Variants in MAGI2 observed in about 807,000 individuals in gnomAD.
MAGI2 encodes the protein membrane-associated guanylate kinase, WW and PDZ domain-containing protein 2.
MAGI2 carries 35 observed loss-of-function variants against 133.3 expected under a neutral mutation model. That is an observed-to-expected ratio of 0.26 (90% CI 0.20 to 0.35). MAGI2 has a LOEUF of 0.35. Ranked by LOEUF, MAGI2 falls within the 10% of genes least tolerant of loss-of-function variation. The pLI is 1.00. For synonymous variants in MAGI2, 729 were observed against 710.6 expected (o/e 1.03, Z -0.41); for missense variants, 1,636 against 1,863.4 (o/e 0.88, Z 2.25).
intron 1 of MAGI2, among the ~76,000 whole-genome samples, chr7:79,053,963 G>GATTT (rs1812910190): frequency 1.3e-5 from 2 of 152,160 alleles, no homozygotes; most frequent in Non-Finnish European, 2.9e-5. Flanking sequence ...TTAGGAGGCT[G>GATTT]AGGTGGGTGG....
intron 2 of MAGI2, among the ~76,000 whole-genome samples, chr7:78,711,673 G>T (rs1819205773): frequency 6.6e-6 from 1 of 152,066 alleles, no homozygotes; most frequent in Admixed American, 6.6e-5. Context: ...TGTTGCTCTG[G>T]CATATCTTCT....
At chr7:78,864,336 C>T (rs1203132670) in intron 2 of MAGI2, among the ~76,000 whole-genome samples, 1 of 152,196 alleles carries the variant, frequency 6.6e-6, no homozygotes, top group Non-Finnish European at 1.5e-5. Flanking sequence ...TACCATTCTA[C>T]AGCATTGATG....
intron 9 of MAGI2, among the ~76,000 whole-genome samples, chr7:78,299,678 T>C (rs776605975): frequency 4.6e-5 from 7 of 152,130 alleles, no homozygotes; most frequent in Non-Finnish European, 7.3e-5. Flanking sequence ...GCCATGGTGA[T>C]TGCTGCACAG....
chr7:78,588,666 T>C (rs1207184761), intron 3 of MAGI2, among the ~76,000 whole-genome samples: 1 of 152,178 alleles, frequency 6.6e-6, no homozygotes, highest in Non-Finnish European at 1.5e-5. Flanking sequence ...AATAGCAATG[T>C]AGGTGTGCTG....
At chr7:79,279,617 C>G (rs1835478814) in intron 1 of MAGI2, among the ~76,000 whole-genome samples, 1 of 152,046 alleles carries the variant, frequency 6.6e-6, no homozygotes, top group South Asian at 2.1e-4. Flanking sequence ...TGCAGTGAGC[C>G]CTGATTGAGC....
chr7:78,194,773 T>C, intron 12 of MAGI2, 101 bp downstream of exon 12: 1 of 1,016,120 alleles, frequency 9.8e-7, no homozygotes. Flanking sequence ...CTTTTGAAAC[T>C]CAGAATATAA....
chr7:78,398,810 C>T (rs189445476), intron 6 of MAGI2, among the ~76,000 whole-genome samples: 22 of 152,120 alleles, frequency 1.4e-4, no homozygotes, highest in East Asian at 1.4e-3. Flanking sequence ...ACCAGCTCAC[C>T]CTAGTGTTTA....
At chr7:78,276,537 T>C (rs1383362975) in intron 9 of MAGI2, among the ~76,000 whole-genome samples, 2 of 152,126 alleles carry the variant, frequency 1.3e-5, no homozygotes, top group East Asian at 3.9e-4. Flanking sequence ...TATTTTTCTT[T>C]GTTCAGTCAA....
intron 1 of MAGI2, among the ~76,000 whole-genome samples, chr7:79,008,579 G>C (rs1354283198): frequency 6.6e-6 from 1 of 152,120 alleles, no homozygotes; most frequent in Non-Finnish European, 1.5e-5. Flanking sequence ...AATATAATAT[G>C]ATAGTGGAAA....
intron 2 of MAGI2, among the ~76,000 whole-genome samples, chr7:78,715,609 C>G (rs1819622588): frequency 6.6e-6 from 1 of 152,066 alleles, no homozygotes; most frequent in Non-Finnish European, 1.5e-5. Flanking sequence ...CCTAATGACA[C>G]AAATATAGTA....
chr7:79,108,926 C>T (rs1468815283), intron 1 of MAGI2, among the ~76,000 whole-genome samples: 1 of 152,144 alleles, frequency 6.6e-6, no homozygotes. Context: ...CTGCTTTAGT[C>T]ATGTGACATG....
Position 78,571,833 on chromosome 7 carries a change from A to T in MAGI2, c.539-50188T>A, listed in dbSNP as rs57793079. Among the ~76,000 whole-genome samples, 3 of 152,336 alleles carry T rather than the reference A, an allele frequency of 2.0e-5. No homozygotes were observed. The East Asian group carries it at 5.8e-4, about 29-fold the overall frequency. ...TAGTTTCTAGCCTCAAACATCTGGT[A>T]TCAAAAGCAAGACCTGGAAATTTTT... On this transcript the variant is annotated intron_variant, in intron 3 of 21. Transcript: ENST00000354212.
At chr7:79,438,203 G>T (rs967139904) in intron 1 of MAGI2, among the ~76,000 whole-genome samples, 1 of 152,064 alleles carries the variant, frequency 6.6e-6, no homozygotes, top group African/African-American at 2.4e-5. Flanking sequence ...TCAGAAACAT[G>T]CCATCTGCCA....
chr7:78,438,344 C>A (rs906628001), intron 6 of MAGI2, among the ~76,000 whole-genome samples: 3 of 151,872 alleles, frequency 2.0e-5, no homozygotes, highest in African/African-American at 7.3e-5. Flanking sequence ...GATGTGAATT[C>A]ACTTGTATTG....
At chr7:78,348,048 A>G (rs1791096297) in intron 7 of MAGI2, among the ~76,000 whole-genome samples, 1 of 152,104 alleles carries the variant, frequency 6.6e-6, no homozygotes, top group Non-Finnish European at 1.5e-5. Flanking sequence ...TTAAACATAT[A>G]CTGTTCCTGA....
intron 6 of MAGI2, chr7:78,484,869 T>C (rs1033525089): frequency 6.6e-6 from 1 of 152,004 alleles, no homozygotes; most frequent in Non-Finnish European, 1.5e-5. Flanking sequence ...TCCCAAAGAT[T>C]AAGTACCTTG....
rs76262791 is a variant in MAGI2 at position 78,284,972 on chromosome 7, T to C, written c.1409-28391A>G. On this transcript the variant is annotated intron_variant, in intron 9 of 21. Coordinates refer to ENST00000354212, the MANE Select transcript of MAGI2 (RefSeq NM_012301.4). ...AAAAAACACACTTTACAGTTTAAAT[T>C]AGAATTAACATGGGCAGCAGCTGAA... is the stretch of plus-strand genomic sequence containing the variant. Among the ~76,000 whole-genome samples, 874 of 152,254 alleles carry C rather than the reference T, an allele frequency of 5.7e-3. 5 individuals are homozygous for C. Among genetic ancestry groups the C allele is most frequent in the African/African-American group, 0.02 (824 of 41,554 alleles).
chr7:78,269,825 C>CT (rs1794388774), intron 9 of MAGI2, among the ~76,000 whole-genome samples: 2 of 152,278 alleles, frequency 1.3e-5, no homozygotes, highest in South Asian at 4.1e-4. Context: ...GTGTTTTAGT[C>CT]ATAAAGTCTT....
intron 8 of MAGI2, among the ~76,000 whole-genome samples, chr7:78,345,011 CT>C (rs1790754698): frequency 2.6e-5 from 4 of 152,042 alleles, no homozygotes; most frequent in Non-Finnish European, 1.5e-5. Flanking sequence ...TATATGGTAA[CT>C]CAGTTAAGTA....
Sources: gnomAD v4.1 joint callset for allele counts (sites outside exome capture counted in the v4.1 genomes callset) on GRCh38, gnomAD v4.1.1 for gene constraint, MANE v1.5 for transcripts, NCBI Gene and HGNC (gene_info 2026-07-23, HGNC 2026-07-21) for gene names.